The following SLC38A1 variants were observed in gnomAD, a reference collection of about 807,000 sequenced individuals.
SLC38A1 encodes the protein sodium-coupled neutral amino acid symporter 1.
A neutral mutation model predicts 60.3 loss-of-function variants in SLC38A1; 18 were observed. The observed-to-expected ratio is 0.30, with a 90% CI of 0.21 to 0.44. The LOEUF is 0.44. Among genes scored for constraint, SLC38A1 ranks in the 20% least tolerant of loss-of-function variants. The pLI is 1.00. For synonymous variants in SLC38A1, 196 were observed against 212.1 expected, an observed-to-expected ratio of 0.92 and a Z score of 0.66; for missense variants, 448 against 587.2, an observed-to-expected ratio of 0.76 and a Z score of 2.45.
chr12:46,258,543 A>T (rs1942103187), intron 1 of SLC38A1, among the ~76,000 whole-genome samples: 1 of 152,194 alleles, frequency 6.6e-6, no homozygotes, highest in East Asian at 1.9e-4. Flanking sequence ...CTGCATTTTG[A>T]CTGTGACCTA....
intron 1 of SLC38A1, among the ~76,000 whole-genome samples, chr12:46,258,390 G>A (rs1348101888): frequency 6.6e-6 from 1 of 152,058 alleles, no homozygotes; most frequent in East Asian, 1.9e-4. Flanking sequence ...TGGAATATTT[G>A]CATACATATT....
At chr12:46,228,427 T>A (rs1416800407) in intron 5 of SLC38A1, among the ~76,000 whole-genome samples, 1 of 152,140 alleles carries the variant, frequency 6.6e-6, no homozygotes, top group African/African-American at 2.4e-5. Flanking sequence ...GAGTTTCAAG[T>A]CAGGGAACAA....
chr12:46,256,350 A>G (rs1352370620), intron 1 of SLC38A1, among the ~76,000 whole-genome samples: 1 of 152,138 alleles, frequency 6.6e-6, no homozygotes, highest in African/African-American at 2.4e-5. Flanking sequence ...CTTTTTACTT[A>G]TGTGACAAAA....
rs142526613 is a variant in SLC38A1 at position 46,249,564 on chromosome 12, G to T, written c.-208-6250C>A. On this transcript the variant is annotated intron_variant, in intron 1 of 16. Transcript: ENST00000398637. ...AATCCTGGAGCTGGTTTTTTGAAAAGATCATCACAATTGATAGACCACTAG... is the reference window on the plus strand; with the variant it reads ...AATCCTGGAGCTGGTTTTTTGAAAATATCATCACAATTGATAGACCACTAG... Among the ~76,000 whole-genome samples, 159 of 152,220 alleles carry T rather than the reference G, an allele frequency of 1.0e-3. 1 individual carries two copies. Among genetic ancestry groups the T allele is most frequent in the African/African-American group, 3.7e-3 (154 of 41,548 alleles).
chr12:46,241,532 T>A (rs1941448276), intron 2 of SLC38A1, among the ~76,000 whole-genome samples: 1 of 152,192 alleles, frequency 6.6e-6, no homozygotes, highest in South Asian at 2.1e-4. Flanking sequence ...GGCAAGGCAC[T>A]TCCTCAAGAA....
Position 46,190,384 on chromosome 12 carries a change from C to T in SLC38A1, c.1363-1313G>A, listed in dbSNP as rs952392836. 2.0e-5 allele frequency among the ~76,000 whole-genome samples: 3 copies of T among 152,226 alleles called. No individual in the cohort carries two copies. The South Asian group carries it at 6.2e-4, about 32-fold the overall frequency. Reference sequence around the variant, plus strand: ...AAGTCTTCACTATTGTGAATAGTGCCACAATAAACATACATGTGCATGTGT... The same window carrying T: ...AAGTCTTCACTATTGTGAATAGTGCTACAATAAACATACATGTGCATGTGT... On this transcript the variant is annotated intron_variant, in intron 16 of 16. Coordinates refer to ENST00000398637, the MANE Select transcript of SLC38A1 (RefSeq NM_030674.4).
chr12:46,190,584 C>T (rs1302100054), intron 16 of SLC38A1, among the ~76,000 whole-genome samples: 2 of 152,218 alleles, frequency 1.3e-5, no homozygotes, highest in South Asian at 2.1e-4. Flanking sequence ...TCTCCACATC[C>T]TCTCCAGCGT....
chr12:46,209,610 T>A (rs955364780), intron 5 of SLC38A1, among the ~76,000 whole-genome samples: 7 of 152,202 alleles, frequency 4.6e-5, no homozygotes, highest in African/African-American at 1.7e-4. Flanking sequence ...CCAAATGATG[T>A]CTAGGGTTCT....
chr12:46,209,774 G>T (rs1211653555), intron 5 of SLC38A1, among the ~76,000 whole-genome samples: 1 of 152,050 alleles, frequency 6.6e-6, no homozygotes, highest in Non-Finnish European at 1.5e-5. Flanking sequence ...AGACTTTTTT[G>T]AATGATGAAC....
intron 1 of SLC38A1, among the ~76,000 whole-genome samples, chr12:46,245,666 T>C (rs1309853189): frequency 1.3e-5 from 2 of 152,204 alleles, no homozygotes; most frequent in Admixed American, 6.5e-5. Flanking sequence ...ACATGTGCGC[T>C]GAGCCTGGGG....
At chr12:46,250,861 T>G (rs1941812626) in intron 1 of SLC38A1, among the ~76,000 whole-genome samples, 1 of 152,118 alleles carries the variant, frequency 6.6e-6, no homozygotes, top group African/African-American at 2.4e-5. Flanking sequence ...ACAAATGGAC[T>G]AACATTCCAT....
At chr12:46,253,471 G>T (rs560441389) in intron 1 of SLC38A1, among the ~76,000 whole-genome samples, 1 of 152,316 alleles carries the variant, frequency 6.6e-6, no homozygotes, top group East Asian at 1.9e-4. Flanking sequence ...TCCAGATGTT[G>T]CCATGGCATT....
chr12:46,213,926 T>G (rs1364617861), intron 5 of SLC38A1, among the ~76,000 whole-genome samples: 1 of 152,240 alleles, frequency 6.6e-6, no homozygotes, highest in Non-Finnish European at 1.5e-5. Flanking sequence ...TAGAACCTCA[T>G]TGGCAAGTTA....
chr12:46,222,253 T>C (rs553874934), intron 5 of SLC38A1, among the ~76,000 whole-genome samples: 13 of 152,222 alleles, frequency 8.5e-5, no homozygotes, highest in African/African-American at 2.6e-4. Flanking sequence ...CTTTTTTTTT[T>C]CCTCTAAAAG....
intron 6 of SLC38A1, among the ~76,000 whole-genome samples, chr12:46,208,545 C>A (rs1940010521): frequency 6.6e-6 from 1 of 152,186 alleles, no homozygotes. Flanking sequence ...CAAACATAAT[C>A]CAGTGTCCCA....
At chr12:46,256,356 C>A (rs1406424605) in intron 1 of SLC38A1, among the ~76,000 whole-genome samples, 2 of 151,910 alleles carry the variant, frequency 1.3e-5, no homozygotes, top group Non-Finnish European at 2.9e-5. Context: ...ACTTATGTGA[C>A]AAAATATTTG....
intron 16 of SLC38A1, among the ~76,000 whole-genome samples, chr12:46,189,719 C>T (rs558349451): frequency 6.6e-5 from 10 of 152,076 alleles, no homozygotes; most frequent in East Asian, 5.8e-4. Flanking sequence ...ATCCTGGGGG[C>T]GGGTCTTTCC....
chr12:46,209,011 A>G, intron 6 of SLC38A1, 43 bp downstream of exon 6: 1 of 1,345,122 alleles, frequency 7.4e-7, no homozygotes, highest in Non-Finnish European at 1.1e-6. Context: ...CATAAAAATA[A>G]TTCACCCTGG....
chr12:46,248,737 C>T (rs151129578), intron 1 of SLC38A1, among the ~76,000 whole-genome samples: 41 of 152,344 alleles, frequency 2.7e-4, no homozygotes, highest in African/African-American at 8.7e-4. Flanking sequence ...AGCACTACAT[C>T]GCACTTATTC....
Sources: gnomAD v4.1 joint callset for allele counts (sites outside exome capture counted in the v4.1 genomes callset) on GRCh38, gnomAD v4.1.1 for gene constraint, MANE v1.5 for transcripts, NCBI Gene and HGNC (gene_info 2026-07-23, HGNC 2026-07-21) for gene names.